Variants in GPHN observed in about 807,000 individuals in gnomAD.
The protein encoded by GPHN is gephyrin.
In GPHN, 17 loss-of-function variants were observed where a neutral mutation model predicts 95.5. That is an observed-to-expected ratio of 0.18 (90% CI 0.12 to 0.27). The LOEUF is 0.27. GPHN is among the 10% of genes least tolerant of loss of function. GPHN has a pLI of 1.00. For synonymous variants in GPHN, 320 were observed against 322.5 expected, an observed-to-expected ratio of 0.99 and a Z score of 0.08; for missense variants, 660 against 978.1, an observed-to-expected ratio of 0.67 and a Z score of 4.34.
chr14:66,936,153 C>T (rs562336671), intron 8 of GPHN, among the ~76,000 whole-genome samples: 9 of 152,140 alleles, frequency 5.9e-5, no homozygotes, highest in South Asian at 2.1e-4. Context: ...CTGAGGTGGG[C>T]GGATCACCTG....
the GPHN span, among the ~76,000 whole-genome samples, chr14:67,477,355 C>T: frequency 6.6e-6 from 1 of 152,146 alleles, no homozygotes; most frequent in African/African-American, 2.4e-5. Context: ...TTAGGCGTGC[C>T]TTTCTCCTCT....
intron 1 of GPHN, among the ~76,000 whole-genome samples, chr14:66,641,666 AAGAG>A (rs74585477): frequency 6.6e-6 from 1 of 151,080 alleles, no homozygotes; most frequent in South Asian, 2.1e-4. Flanking sequence ...AAAAAAAAAA[AAGAG>A]AGAGGTAGAG....
At chr14:67,560,978 G>A in the GPHN span, among the ~76,000 whole-genome samples, 41,897 of 152,004 alleles carry the variant, frequency 0.28, 5,838 homozygotes, top group Non-Finnish European at 0.3. Context: ...TGATCTGCCC[G>A]CCTCAGCCTC....
intron 1 of GPHN, among the ~76,000 whole-genome samples, chr14:66,537,524 C>T (rs1194136562): frequency 4.6e-5 from 7 of 152,098 alleles, no homozygotes. Context: ...TTTATTCCCT[C>T]CTGCCCTTTG....
intron 21 of GPHN, among the ~76,000 whole-genome samples, chr14:67,176,589 A>C (rs377267428): frequency 3.9e-5 from 6 of 152,212 alleles, no homozygotes; most frequent in Non-Finnish European, 8.8e-5. Context: ...TGCTGGCCTC[A>C]TAAAATGAGT....
the GPHN span, among the ~76,000 whole-genome samples, chr14:67,374,311 C>T: frequency 6.6e-6 from 1 of 152,174 alleles, no homozygotes; most frequent in Admixed American, 6.5e-5. Flanking sequence ...GAGGGATACT[C>T]AGCCTTGTAA....
chr14:66,811,274 G>A (rs1372233639), intron 3 of GPHN, among the ~76,000 whole-genome samples: 4 of 151,938 alleles, frequency 2.6e-5, no homozygotes, highest in Non-Finnish European at 4.4e-5. Context: ...AAACCTGAAC[G>A]TGCACTCCTG....
At chr14:67,411,934 G>A in the GPHN span, 2 of 1,277,598 alleles carry the variant, frequency 1.6e-6, no homozygotes, top group African/African-American at 1.5e-5. Flanking sequence ...TGCCCGTTCC[G>A]GGGCGCGCGT....
At chr14:66,803,337 A>G (rs1053738043) in intron 3 of GPHN, among the ~76,000 whole-genome samples, 4 of 152,172 alleles carry the variant, frequency 2.6e-5, no homozygotes, top group Admixed American at 6.5e-5. Context: ...AACTTTTTCT[A>G]TGTCTTCAAT....
chr14:67,360,532 G>C, the GPHN span: 1 of 264,420 alleles, frequency 3.8e-6, no homozygotes, highest in Non-Finnish European at 7.1e-6. Context: ...TCGAGAGCGG[G>C]TAGGCCCCGG....
intron 8 of GPHN, among the ~76,000 whole-genome samples, chr14:66,937,858 A>G (rs1450155302): frequency 6.6e-6 from 1 of 152,176 alleles, no homozygotes; most frequent in Non-Finnish European, 1.5e-5. Context: ...TTGCCAACCC[A>G]AGATTAGTAA....
At chr14:67,375,232 CTGTGTGTGTGTGTGTGTGTGTGTGTG>C in the GPHN span, among the ~76,000 whole-genome samples, 57 of 137,670 alleles carry the variant, frequency 4.1e-4, no homozygotes, top group African/African-American at 1.3e-3. Context: ...ATCCTCAGTT[CTGTGTGTGTGTGTGTGTGTGTGTGTG>C]TGTGTGTGTG....
chr14:67,435,358 T>G, the GPHN span, among the ~76,000 whole-genome samples: 2 of 152,192 alleles, frequency 1.3e-5, no homozygotes, highest in Non-Finnish European at 2.9e-5. Flanking sequence ...AACCCATTCA[T>G]GAGGGCAGAG....
intron 4 of GPHN, among the ~76,000 whole-genome samples, chr14:66,833,458 C>T (rs1211161686): frequency 8.5e-5 from 13 of 152,118 alleles, no homozygotes. Context: ...GGGTGGGACA[C>T]AGCCAAACCA....
At chr14:67,236,306 T>C in the GPHN span, among the ~76,000 whole-genome samples, 1 of 152,210 alleles carries the variant, frequency 6.6e-6, no homozygotes, top group Non-Finnish European at 1.5e-5. Context: ...GTGAGTACTT[T>C]CAGAGCAGTT....
At chr14:66,803,665 G>T (rs902692853) in intron 3 of GPHN, among the ~76,000 whole-genome samples, 4 of 152,030 alleles carry the variant, frequency 2.6e-5, no homozygotes, top group Non-Finnish European at 5.9e-5. Context: ...CACATGTTTT[G>T]TGGCTTTTTA....
At chr14:67,509,770 G>T in the GPHN span, among the ~76,000 whole-genome samples, 2 of 152,190 alleles carry the variant, frequency 1.3e-5, no homozygotes, top group African/African-American at 4.8e-5. Context: ...ACTTTGGGAG[G>T]CTGAGGCAGG....
At chr14:66,779,527 G>C (rs1391857060) in intron 3 of GPHN, among the ~76,000 whole-genome samples, 1 of 151,960 alleles carries the variant, frequency 6.6e-6, no homozygotes, top group Admixed American at 6.6e-5. Context: ...TATTATAAAG[G>C]CACCCTGTCT....
At chr14:66,621,192 G>A (rs999368824) in intron 1 of GPHN, among the ~76,000 whole-genome samples, 1 of 151,014 alleles carries the variant, frequency 6.6e-6, no homozygotes, top group African/African-American at 2.4e-5. Flanking sequence ...AGCCAGGGTG[G>A]TCTCGATTTC....
Sources: gnomAD v4.1 joint callset for allele counts (sites outside exome capture counted in the v4.1 genomes callset) on GRCh38, gnomAD v4.1.1 for gene constraint, MANE v1.5 for transcripts, NCBI Gene and HGNC (gene_info 2026-07-23, HGNC 2026-07-21) for gene names.